PDE7B: variants seen among roughly 807,000 people sequenced by gnomAD.
PDE7B encodes the protein phosphodiesterase 7B.
In PDE7B, 29 loss-of-function variants were observed where a neutral mutation model predicts 56.2. The ratio of observed to expected loss-of-function variants is 0.52; its 90% CI spans 0.38 to 0.70. The LOEUF (loss-of-function observed/expected upper bound fraction) is 0.70. Ranked by LOEUF, PDE7B falls within the 30% of genes least tolerant of loss-of-function variation. The pLI is 0.00. For missense variants in PDE7B, 490 were observed against 565.0 expected (o/e 0.87, Z 1.35); for synonymous variants, 197 against 196.9 (o/e 1.00, Z 0.00).
intron 1 of PDE7B, among the ~76,000 whole-genome samples, chr6:135,944,392 A>G (rs1270168474): frequency 2.0e-5 from 3 of 152,166 alleles, no homozygotes; most frequent in Non-Finnish European, 4.4e-5. Flanking sequence ...AAAAAGCACT[A>G]GAAAGAAACT....
At chr6:136,165,323 C>T (rs1274860151) in intron 8 of PDE7B, among the ~76,000 whole-genome samples, 1 of 152,114 alleles carries the variant, frequency 6.6e-6, no homozygotes, top group East Asian at 1.9e-4. Context: ...AGGAGATTCT[C>T]CTCACTCTTT....
chr6:135,964,380 G>A (rs923362953), intron 2 of PDE7B, among the ~76,000 whole-genome samples: 3 of 152,080 alleles, frequency 2.0e-5, no homozygotes, highest in Admixed American at 1.3e-4. Context: ...GCTGGGATTA[G>A]AGGCATAAGC....
At chr6:135,921,367 C>T (rs758092771) in intron 1 of PDE7B, among the ~76,000 whole-genome samples, 1 of 152,070 alleles carries the variant, frequency 6.6e-6, no homozygotes, top group Non-Finnish European at 1.5e-5. Flanking sequence ...TGAAAGAACC[C>T]AACAGGCAGT....
intron 12 of PDE7B, among the ~76,000 whole-genome samples, chr6:136,190,081 T>C (rs1295895968): frequency 6.6e-6 from 1 of 152,252 alleles, no homozygotes; most frequent in Non-Finnish European, 1.5e-5. Context: ...AACTTCAGAA[T>C]AGTATAATTT....
chr6:136,044,907 A>G (rs1426780613), intron 2 of PDE7B: 3 of 150,370 alleles, frequency 2.0e-5, no homozygotes, highest in East Asian at 1.9e-4. Flanking sequence ...CGTTCTCTGC[A>G]AACAGTTTCT....
intron 1 of PDE7B, among the ~76,000 whole-genome samples, chr6:135,888,490 G>A (rs6570052): frequency 0.17 from 25,502 of 151,974 alleles, 3,876 homozygotes; most frequent in African/African-American, 0.4. Flanking sequence ...TTAAATAGGT[G>A]TGCATGTATA....
chr6:136,074,582 C>T (rs75473688), intron 2 of PDE7B, among the ~76,000 whole-genome samples: 1 of 152,260 alleles, frequency 6.6e-6, no homozygotes, highest in African/African-American at 2.4e-5. Flanking sequence ...CTTCCCACTA[C>T]ACTTCCCAGC....
chr6:136,094,378 T>A (rs1476900654), intron 2 of PDE7B: 1 of 152,884 alleles, frequency 6.5e-6, no homozygotes, highest in Non-Finnish European at 1.5e-5. Context: ...TGCTCCACCA[T>A]GTTGGCCCCC....
In PDE7B at chr6:136,131,494, G is replaced by GTTTT. The variant is rs1201361799; in HGVS notation, c.167-15835_167-15832dup. Among the ~76,000 whole-genome samples the GTTTT allele has an allele frequency of 5.7e-3, 482 of 84,700 alleles. 8 individuals carry two copies. The highest frequency in any genetic ancestry group is 0.016 in the African/African-American group (337 of 21,126). The allele number at this position is 84,700 out of a possible 152,430, so 55.6% of individuals were successfully genotyped here. On this transcript the variant is annotated intron_variant, in intron 3 of 12. Coordinates refer to ENST00000308191, the MANE Select transcript of PDE7B (RefSeq NM_018945.4). Reference sequence around the variant, plus strand: ...TATGCATCCCTGTGCATCCTGGCAGGTTTTTTTTTTTTTTTTTTTTTTTTT... The same window carrying GTTTT: ...TATGCATCCCTGTGCATCCTGGCAGGTTTTTTTTTTTTTTTTTTTTTTTTTTTTT...
At chr6:135,959,343 C>A (rs1041808113) in intron 2 of PDE7B, among the ~76,000 whole-genome samples, 2 of 152,060 alleles carry the variant, frequency 1.3e-5, no homozygotes, top group Non-Finnish European at 2.9e-5. Context: ...GTTACTATGT[C>A]AAGCTGCTTT....
intron 3 of PDE7B, among the ~76,000 whole-genome samples, chr6:136,113,094 T>C (rs1777774355): frequency 6.6e-6 from 1 of 152,234 alleles, no homozygotes; most frequent in South Asian, 2.1e-4. Context: ...TGTATAATAT[T>C]GTGACTATAG....
intron 8 of PDE7B, among the ~76,000 whole-genome samples, chr6:136,159,951 T>G (rs1249890664): frequency 6.6e-6 from 1 of 152,210 alleles, no homozygotes; most frequent in African/African-American, 2.4e-5. Flanking sequence ...GGTGGTGTAT[T>G]AAAGACCAGG....
intron 1 of PDE7B, among the ~76,000 whole-genome samples, chr6:135,872,541 G>A (rs939199389): frequency 6.6e-6 from 1 of 152,144 alleles, no homozygotes; most frequent in Non-Finnish European, 1.5e-5. Flanking sequence ...TTAAAAATTG[G>A]TTAGGAATCA....
At chr6:136,168,415 C>T (rs1344715379) in intron 8 of PDE7B, among the ~76,000 whole-genome samples, 1 of 152,152 alleles carries the variant, frequency 6.6e-6, no homozygotes, top group African/African-American at 2.4e-5. Flanking sequence ...GGCCAGCAAG[C>T]TCCTTGAGAG....
chr6:136,031,658 G>T (rs986103125), intron 2 of PDE7B, among the ~76,000 whole-genome samples: 1 of 145,832 alleles, frequency 6.9e-6, no homozygotes, highest in South Asian at 2.2e-4. Context: ...AGAATGGCGT[G>T]AACCCGGGAG....
chr6:136,090,341 AAGTTTCTCATTT>A (rs1416763010), intron 2 of PDE7B, among the ~76,000 whole-genome samples: 1 of 152,174 alleles, frequency 6.6e-6, no homozygotes, highest in Non-Finnish European at 1.5e-5. Context: ...TACAAATGTA[AAGTTTCTCATTT>A]AGGAATTTAG....
intron 2 of PDE7B, among the ~76,000 whole-genome samples, chr6:136,075,861 C>T (rs1777120868): frequency 6.6e-6 from 1 of 152,154 alleles, no homozygotes; most frequent in Admixed American, 6.5e-5. Flanking sequence ...CGACATTACT[C>T]CTTTACCTAG....
At chr6:136,133,043 C>A (rs1778144610) in intron 3 of PDE7B, among the ~76,000 whole-genome samples, 1 of 152,082 alleles carries the variant, frequency 6.6e-6, no homozygotes, top group Non-Finnish European at 1.5e-5. Context: ...ATAAAAAACA[C>A]ATAATTAAAT....
chr6:135,882,871 C>T (rs554162410), intron 1 of PDE7B, among the ~76,000 whole-genome samples: 59 of 152,200 alleles, frequency 3.9e-4, no homozygotes, highest in African/African-American at 1.4e-3. Flanking sequence ...TTTATGGTTC[C>T]CATTATTATA....
Sources: allele counts gnomAD v4.1 joint callset (sites outside exome capture counted in the v4.1 genomes callset), GRCh38; gene constraint gnomAD v4.1.1; transcripts MANE v1.5; gene names NCBI Gene and HGNC (gene_info 2026-07-23, HGNC 2026-07-21).